Variants in HPS4 observed in about 807,000 individuals in gnomAD.
The protein encoded by HPS4 is BLOC-3 complex member HPS4.
Under a neutral mutation model 70.3 loss-of-function variants are expected in HPS4, and 44 were observed. The ratio of observed to expected loss-of-function variants is 0.63; its 90% CI spans 0.49 to 0.80. The LOEUF (loss-of-function observed/expected upper bound fraction) is 0.80. Ranked by LOEUF, HPS4 falls within the 30% of genes least tolerant of loss-of-function variation. The pLI is 0.00. For missense variants in HPS4, 873 were observed against 884.4 expected (o/e 0.99, Z 0.16); for synonymous variants, 377 against 355.9 (o/e 1.06, Z -0.67).
At chr22:26,449,702 C>G (rs560133970), downstream of HPS4, among the ~76,000 whole-genome samples, 1 of 152,180 alleles carries the variant, frequency 6.6e-6, no homozygotes, top group Non-Finnish European at 1.5e-5. Flanking sequence ...GCTCTTCTCA[C>G]GCCCTCCGTG....
intron 11 of HPS4, among the ~76,000 whole-genome samples, chr22:26,462,850 A>G (rs543818342): frequency 4.5e-4 from 69 of 152,298 alleles, no homozygotes; most frequent in African/African-American, 1.6e-3. Flanking sequence ...GCCATAACTC[A>G]GTGATCCAGC....
intron 1 of HPS4, 121 bp downstream of exon 1, chr22:26,483,553 C>G (rs1207802147): frequency 5.5e-6 from 1 of 180,924 alleles, no homozygotes; most frequent in Non-Finnish European, 1.1e-5. Flanking sequence ...GGTGTCTGGC[C>G]CCAGCTCTAC....
At chr22:26,479,604 C>A in intron 2 of HPS4, 1 of 1,332,952 alleles carries the variant, frequency 7.5e-7, no homozygotes, top group Non-Finnish European at 9.6e-7. Flanking sequence ...ACACGAGTAG[C>A]TAGAAAAAAA....
At chr22:26,477,393 T>C (rs2090697668) in intron 3 of HPS4, among the ~76,000 whole-genome samples, 2 of 152,332 alleles carry the variant, frequency 1.3e-5, no homozygotes, top group African/African-American at 4.8e-5. Context: ...CTACCTGAGA[T>C]GACTGAACCC....
At chr22:26,472,199 T>C in intron 6 of HPS4, 103 bp downstream of exon 6, 1 of 821,204 alleles carries the variant, frequency 1.2e-6, no homozygotes, top group Middle Eastern at 2.6e-4. Flanking sequence ...AGAAGTGACA[T>C]TCTACTCACT....
In HPS4 at chr22:26,466,214, C is replaced by CT; in HGVS notation, c.706+11dup. 6.2e-7 allele frequency: 1 copy of CT among 1,614,172 alleles called. No homozygotes were observed. Among genetic ancestry groups the CT allele is most frequent in the Non-Finnish European group, 8.5e-7 (1 of 1,179,992 alleles). Reference sequence around the variant, plus strand: ...CCGTTCTCAAGAGGCAACCATGCGCCTCACTACTTACCATGTTCCTGCGGG... The same window carrying CT: ...CCGTTCTCAAGAGGCAACCATGCGCCTTCACTACTTACCATGTTCCTGCGGG... On this transcript the variant is annotated intron_variant, in intron 9 of 13. Transcript: ENST00000398145.
At position 26,483,764 on chromosome 22, in the gene HPS4, C is replaced by A; in HGVS notation, c.-569G>T. ...GGGTACCTGCGACTTCTGCCCCGTACCTGCGCGCGCGGCAGAGAGGCCTTA... is the reference window on the plus strand; with the variant it reads ...GGGTACCTGCGACTTCTGCCCCGTAACTGCGCGCGCGGCAGAGAGGCCTTA... On this transcript the variant is annotated 5_prime_UTR_variant, in exon 1 of 14. Coordinates refer to ENST00000398145, the MANE Select transcript of HPS4 (RefSeq NM_022081.6). The A allele has an allele frequency of 3.3e-6, 2 of 610,678 alleles. No individual in the cohort carries two copies. The highest frequency in any genetic ancestry group is 2.4e-6 in the Non-Finnish European group (1 of 410,946). The allele number at this position is 610,678 out of a possible 1,614,324, so 37.8% of individuals were successfully genotyped here.
chr22:26,471,334 G>A (rs2089773122), intron 6 of HPS4: 1 of 455,630 alleles, frequency 2.2e-6, no homozygotes, highest in African/African-American at 2.0e-5. Flanking sequence ...CTTTCACTCG[G>A]GGAAATATGC....
At chr22:26,445,935 G>T (rs1249622530), downstream of HPS4, among the ~76,000 whole-genome samples, 3 of 152,184 alleles carry the variant, frequency 2.0e-5, no homozygotes, top group African/African-American at 7.2e-5. Flanking sequence ...AGGAGCCCTA[G>T]AAGCAGCCGG....
chr22:26,443,876 T>G (rs766891032), downstream of HPS4: 3 of 152,244 alleles, frequency 2.0e-5, no homozygotes, highest in Non-Finnish European at 2.9e-5. Context: ...GGCAAAAGCA[T>G]TGGGCCAGTA....
intron 1 of HPS4, among the ~76,000 whole-genome samples, chr22:26,483,034 A>T (rs539355275): frequency 6.6e-6 from 1 of 152,362 alleles, no homozygotes; most frequent in East Asian, 1.9e-4. Context: ...TGGGTACACA[A>T]TACAGTTTGT....
chr22:26,448,134 C>T (rs1389252179), downstream of HPS4, among the ~76,000 whole-genome samples: 1 of 152,238 alleles, frequency 6.6e-6, no homozygotes, highest in East Asian at 1.9e-4. Flanking sequence ...ACATCCAGGA[C>T]TCACTTCCTC....
At chr22:26,471,012 A>G in intron 6 of HPS4, 199 bp from the exon 7 acceptor site, 1 of 1,090,384 alleles carries the variant, frequency 9.2e-7, no homozygotes, top group Non-Finnish European at 1.4e-6. Context: ...TGACACCACT[A>G]AATGCCAAAT....
At position 26,468,556 on chromosome 22, in the gene HPS4, C is replaced by A. The variant is rs119471025; in HGVS notation, c.664G>T (p.Glu222Ter). 1 of 1,613,908 alleles carries A rather than the reference C, an allele frequency of 6.2e-7. No homozygotes were observed. The highest frequency in any genetic ancestry group is 1.1e-5 in the South Asian group (1 of 91,024). ...GTGGGTGGACTTTACAATACCTGCT[C>A]CTGAGGTGCTGTTCGGTGAAGCAGG... The part of the protein sequence containing the change: ...KVLLHRTAPQ[E>*]QRLPTGEDAP... Residue 222 changes from glutamate to a stop codon, truncating the protein, a stop_gained, in exon 8 of 14, where the codon GAG becomes TAG. Transcript: ENST00000398145. LOFTEE classifies it high-confidence loss of function.
chr22:26,466,132 C>T (rs766708976), intron 9 of HPS4, 94 bp downstream of exon 9: 128 of 1,612,256 alleles, frequency 7.9e-5, no homozygotes, highest in Middle Eastern at 3.3e-4. Context: ...AATAAACATG[C>T]AGATGGCTTG....
chr22:26,443,258 A>T, downstream of HPS4: 1 of 1,480,738 alleles, frequency 6.8e-7, no homozygotes, highest in Middle Eastern at 1.7e-4. Flanking sequence ...GGGCCTGGGC[A>T]GACTGTGGTC....
At position 26,470,729 on chromosome 22, in the gene HPS4, A is replaced by T; in HGVS notation, c.586T>A (p.Tyr196Asn). The part of the protein sequence containing the change: ...SPHILAGCIL[Y>N]KGLIVSTQLP... ...TCTGGAGTTACTCACAGTCCTTTAT[A>T]GAGGATGCAGCCAGCGAGAATGTGA... Residue 196 changes from tyrosine (Y) to asparagine (N), a missense_variant, in exon 7 of 14, where the codon TAT (tyrosine) becomes AAT (asparagine). Tyr to Asn is a moderately radical substitution (Grantham distance 143). Coordinates refer to ENST00000398145, the MANE Select transcript of HPS4 (RefSeq NM_022081.6). 2 of 1,614,000 alleles carry T rather than the reference A, an allele frequency of 1.2e-6. No individual in the cohort carries two copies. Among genetic ancestry groups the T allele is most frequent in the Non-Finnish European group, 1.7e-6 (2 of 1,180,004 alleles).
intron 6 of HPS4, 25 bp downstream of exon 6, chr22:26,472,277 T>A: frequency 7.5e-7 from 1 of 1,331,398 alleles, no homozygotes; most frequent in Non-Finnish European, 1.1e-6. Context: ...ACATATAAAA[T>A]GAATAAGGAG....
At chr22:26,468,702 GC>G in intron 7 of HPS4, 79 bp from the exon 8 acceptor site, 4 of 1,314,104 alleles carry the variant, frequency 3.0e-6, no homozygotes, top group Middle Eastern at 1.8e-4. Flanking sequence ...ATGCCTAACA[GC>G]CCGTGTTGAC....
Sources: gnomAD v4.1 joint callset for allele counts (sites outside exome capture counted in the v4.1 genomes callset) on GRCh38, gnomAD v4.1.1 for gene constraint, MANE v1.5 for transcripts, NCBI Gene and HGNC (gene_info 2026-07-23, HGNC 2026-07-21) for gene names.